Variants in SLC36A1 observed in about 807,000 individuals in gnomAD.
SLC36A1 encodes the protein proton-coupled amino acid transporter 1.
Under a neutral mutation model 47.5 loss-of-function variants are expected in SLC36A1, and 30 were observed. The ratio of observed to expected loss-of-function variants is 0.63; its 90% CI spans 0.47 to 0.86. The LOEUF (loss-of-function observed/expected upper bound fraction) is 0.86, where lower values mean the gene tolerates loss of function less well. Ranked by LOEUF, SLC36A1 falls within the 40% of genes least tolerant of loss-of-function variation. The pLI is 0.00. For missense variants in SLC36A1, 517 were observed against 606.0 expected, an observed-to-expected ratio of 0.85 and a Z score of 1.54; for synonymous variants, 255 against 249.7, an observed-to-expected ratio of 1.02 and a Z score of -0.20.
chr5:151,537,347 AGAAAAAAG>A, the SLC36A1 span, among the ~76,000 whole-genome samples: 781 of 88,490 alleles, frequency 8.8e-3, 5 homozygotes, highest in African/African-American at 0.02. Context: ...AGAAAAGAAA[AGAAAAAAG>A]AAGGAAGGAA....
the SLC36A1 span, among the ~76,000 whole-genome samples, chr5:151,390,203 T>G: frequency 0.5 from 75,156 of 151,744 alleles, 20,568 homozygotes; most frequent in African/African-American, 0.75. Context: ...CTGCAGAAAC[T>G]CCTTCTTTTG....
chr5:151,373,667 C>T, the SLC36A1 span, among the ~76,000 whole-genome samples: 5 of 152,122 alleles, frequency 3.3e-5, no homozygotes, highest in Non-Finnish European at 5.9e-5. Context: ...CAGAAACTTA[C>T]ATCTATAAAA....
the SLC36A1 span, chr5:151,534,763 GGTCAATACA>G: frequency 2.7e-6 from 2 of 738,160 alleles, no homozygotes; most frequent in South Asian, 3.7e-5. Flanking sequence ...AGCAAGGAGG[GGTCAATACA>G]GTCAGGAAAG....
At chr5:151,544,167 C>T in the SLC36A1 span, 1 of 1,614,200 alleles carries the variant, frequency 6.2e-7, no homozygotes, top group Non-Finnish European at 8.5e-7. Flanking sequence ...TCTGGAAGAA[C>T]TTGGAAACAT....
chr5:151,496,756 A>G (rs991543463), downstream of SLC36A1, among the ~76,000 whole-genome samples: 1 of 152,224 alleles, frequency 6.6e-6, no homozygotes, highest in Non-Finnish European at 1.5e-5. Context: ...GGGCTTTGCC[A>G]TGTTGGTCAG....
the SLC36A1 span, among the ~76,000 whole-genome samples, chr5:151,503,229 G>C: frequency 6.8e-6 from 1 of 147,912 alleles, no homozygotes; most frequent in African/African-American, 2.7e-5. Flanking sequence ...ATGGACTGTA[G>C]GTGATAATGA....
the SLC36A1 span, among the ~76,000 whole-genome samples, chr5:151,414,143 AT>A: frequency 6.6e-6 from 1 of 152,226 alleles, no homozygotes; most frequent in East Asian, 1.9e-4. Flanking sequence ...AAAACTATAA[AT>A]ATATTTAAAC....
the SLC36A1 span, chr5:151,550,440 G>T: frequency 5.9e-6 from 5 of 844,424 alleles, no homozygotes; most frequent in Non-Finnish European, 9.0e-6. Context: ...CCTTATGGAA[G>T]GTGCCCTTAG....
At chr5:151,510,381 A>G in the SLC36A1 span, 2 of 542,520 alleles carry the variant, frequency 3.7e-6, no homozygotes, top group East Asian at 6.2e-5. Flanking sequence ...CTTACAGCCC[A>G]CCAGAGACAA....
upstream of SLC36A1, among the ~76,000 whole-genome samples, chr5:151,444,366 T>G (rs76452444): frequency 6.6e-6 from 1 of 152,218 alleles, no homozygotes; most frequent in Admixed American, 6.5e-5. Context: ...TAGTTTTCAG[T>G]GTACACCCTA....
the SLC36A1 span, among the ~76,000 whole-genome samples, chr5:151,407,480 C>CA: frequency 2.0e-5 from 3 of 151,370 alleles, no homozygotes; most frequent in East Asian, 5.8e-4. Flanking sequence ...ATTAGCTAGA[C>CA]ACAGAGCACT....
At chr5:151,531,570 G>A in the SLC36A1 span, 1 of 1,611,666 alleles carries the variant, frequency 6.2e-7, no homozygotes, top group South Asian at 1.1e-5. This position sits in a 1 kb window ranked among gnomAD's most constrained non-coding sequence, Gnocchi z 5.7. Flanking sequence ...TTGGGGCTTG[G>A]TGGATCAGGC....
chr5:151,459,214 A>C (rs1348016167), intron 2 of SLC36A1, among the ~76,000 whole-genome samples: 2 of 152,196 alleles, frequency 1.3e-5, no homozygotes, highest in East Asian at 3.8e-4. Context: ...ACATTCTTTT[A>C]ATTTAAAAGT....
chr5:151,479,202 A>T, intron 9 of SLC36A1, 118 bp from the exon 10 acceptor site: 1 of 1,075,132 alleles, frequency 9.3e-7, no homozygotes, highest in Admixed American at 2.1e-5. Flanking sequence ...TCCGAAGGAC[A>T]TGTGGGTTTG....
chr5:151,515,817 CG>C, the SLC36A1 span, among the ~76,000 whole-genome samples: 1 of 152,176 alleles, frequency 6.6e-6, no homozygotes, highest in Admixed American at 6.5e-5. Context: ...TCTCTAAAGT[CG>C]ATTCTCAACA....
At chr5:151,507,951 T>C in the SLC36A1 span, among the ~76,000 whole-genome samples, 2 of 152,204 alleles carry the variant, frequency 1.3e-5, no homozygotes, top group Non-Finnish European at 2.9e-5. Flanking sequence ...CTAGCAATGA[T>C]GTCAGGGTTC....
intron 1 of SLC36A1, among the ~76,000 whole-genome samples, chr5:151,448,133 T>C (rs1307137004): frequency 2.0e-5 from 3 of 151,910 alleles, no homozygotes; most frequent in Non-Finnish European, 4.4e-5. Context: ...TCATAATGGG[T>C]CTTTGGGTCA....
the SLC36A1 span, among the ~76,000 whole-genome samples, chr5:151,537,438 G>A: frequency 3.4e-5 from 3 of 88,064 alleles, no homozygotes; most frequent in African/African-American, 2.1e-4. Flanking sequence ...GAGAGGAAAG[G>A]AGAGGGGAGG....
In SLC36A1 at chr5:151,487,987, C is replaced by G; in HGVS notation, c.1164C>G (p.Ile388Met). The change falls in exon 11 of 11, where the codon ATC becomes ATG. Residue 388 changes from isoleucine (I) to methionine (M), a missense_variant. Physicochemically the swap from Ile to Met is conservative, Grantham distance 10 (BLOSUM62 1). Transcript: ENST00000243389. The stretch of plus-strand genomic sequence containing the variant: ...GCATGTCCTCTCTCCCTGCAGGCAT[C>G]TTGGCCATCCTCATCCCCCGCCTGG... ...VRTVLVCLTC[I>M]LAILIPRLDL... The G allele has an allele frequency of 6.2e-7, 1 of 1,614,058 alleles. No individual in the cohort carries two copies. Among genetic ancestry groups the G allele is most frequent in the South Asian group, 1.1e-5 (1 of 91,070 alleles).
Sources: allele counts gnomAD v4.1 joint callset (sites outside exome capture counted in the v4.1 genomes callset), GRCh38; gene constraint gnomAD v4.1.1; non-coding constraint Gnocchi (gnomAD v3.1); transcripts MANE v1.5; gene names NCBI Gene and HGNC (gene_info 2026-07-23, HGNC 2026-07-21).